SLC35F1: variants seen among roughly 807,000 people sequenced by gnomAD.
The protein encoded by SLC35F1 is solute carrier family 35 member F1.
Under a neutral mutation model 48.7 loss-of-function variants are expected in SLC35F1, and 14 were observed. That is an observed-to-expected ratio of 0.29 (90% CI 0.19 to 0.45). SLC35F1 has a LOEUF of 0.45. Among genes scored for constraint, SLC35F1 ranks in the 20% least tolerant of loss-of-function variants. The probability of loss-of-function intolerance (pLI) is 1.00; values close to 1 mark genes in which losing one functional copy is unlikely to be tolerated. For synonymous variants in SLC35F1, 190 were observed against 202.2 expected, an observed-to-expected ratio of 0.94 and a Z score of 0.51; for missense variants, 404 against 500.0, an observed-to-expected ratio of 0.81 and a Z score of 1.83.
chr6:118,149,267 CA>C (rs1171544571), intron 1 of SLC35F1, among the ~76,000 whole-genome samples: 1 of 152,080 alleles, frequency 6.6e-6, no homozygotes, highest in Non-Finnish European at 1.5e-5. Flanking sequence ...GTGAAAGGAC[CA>C]CAGATCTACC....
At chr6:118,295,032 C>G (rs1325214165) in intron 7 of SLC35F1, among the ~76,000 whole-genome samples, 1 of 152,078 alleles carries the variant, frequency 6.6e-6, no homozygotes, top group Non-Finnish European at 1.5e-5. Flanking sequence ...ATGTCAGCAG[C>G]CTGTGCTGGC....
chr6:118,071,073 CTATGTGTATATAT>C (rs1562280987), intron 1 of SLC35F1, among the ~76,000 whole-genome samples: 1 of 1,186 alleles, frequency 8.4e-4, no homozygotes, highest in African/African-American at 6.8e-3. Flanking sequence ...CGTATATATA[CTATGTGTATATAT>C]ACACATAGTA....
chr6:117,965,889 C>T (rs1017837055), intron 1 of SLC35F1, among the ~76,000 whole-genome samples: 3 of 151,772 alleles, frequency 2.0e-5, no homozygotes, highest in Non-Finnish European at 4.4e-5. Context: ...TCTAACTGAT[C>T]GGGTAGGGGA....
At chr6:118,127,375 C>T (rs1327456197) in intron 1 of SLC35F1, among the ~76,000 whole-genome samples, 25 of 151,902 alleles carry the variant, frequency 1.6e-4, no homozygotes, top group Non-Finnish European at 2.5e-4. Context: ...CTGCTGGATT[C>T]GGTTTGCCAG....
At chr6:118,188,393 T>C (rs997087683) in intron 2 of SLC35F1, among the ~76,000 whole-genome samples, 2 of 151,976 alleles carry the variant, frequency 1.3e-5, no homozygotes, top group East Asian at 3.9e-4. Flanking sequence ...CTACTAAAAA[T>C]ACAAAAAGTA....
At chr6:118,136,965 C>T (rs1266742934) in intron 1 of SLC35F1, among the ~76,000 whole-genome samples, 1 of 152,210 alleles carries the variant, frequency 6.6e-6, no homozygotes, top group Admixed American at 6.5e-5. Flanking sequence ...AATATCCATT[C>T]CTTTATAGCT....
chr6:118,139,670 A>G (rs1369576902), intron 1 of SLC35F1, among the ~76,000 whole-genome samples: 1 of 152,202 alleles, frequency 6.6e-6, no homozygotes. Flanking sequence ...CTGTTATTCC[A>G]GAAACATGGT....
chr6:118,166,056 T>A (rs1032125835), intron 2 of SLC35F1, among the ~76,000 whole-genome samples: 3 of 152,118 alleles, frequency 2.0e-5, no homozygotes, highest in Non-Finnish European at 4.4e-5. Context: ...GATGAGGTCA[T>A]TAAAAGAAAT....
chr6:118,149,682 C>A (rs1024551537), intron 1 of SLC35F1, among the ~76,000 whole-genome samples: 1 of 152,108 alleles, frequency 6.6e-6, no homozygotes, highest in African/African-American at 2.4e-5. Context: ...ACGAATAAAA[C>A]CATAATTTGT....
intron 3 of SLC35F1, among the ~76,000 whole-genome samples, chr6:118,255,685 C>T (rs1775633048): frequency 6.6e-6 from 1 of 152,130 alleles, no homozygotes; most frequent in African/African-American, 2.4e-5. Context: ...CACAAGGGGA[C>T]ATATACAATT....
At chr6:117,913,738 T>A (rs1775791169) in intron 1 of SLC35F1, among the ~76,000 whole-genome samples, 1 of 145,160 alleles carries the variant, frequency 6.9e-6, no homozygotes, top group Non-Finnish European at 1.5e-5. Context: ...TTTTGAATTA[T>A]ATTATAATTT....
At chr6:118,063,436 A>G (rs1262773945) in intron 1 of SLC35F1, among the ~76,000 whole-genome samples, 1 of 152,200 alleles carries the variant, frequency 6.6e-6, no homozygotes, top group African/African-American at 2.4e-5. Flanking sequence ...AAATTACACA[A>G]TATTTTCAGT....
At chr6:118,019,666 A>T (rs763469792) in intron 1 of SLC35F1, among the ~76,000 whole-genome samples, 6 of 152,180 alleles carry the variant, frequency 3.9e-5, no homozygotes, top group Non-Finnish European at 8.8e-5. Context: ...AAGTTAAAAG[A>T]TTTCTTTTTA....
intron 3 of SLC35F1, among the ~76,000 whole-genome samples, chr6:118,262,142 C>T (rs1304914379): frequency 6.6e-6 from 1 of 152,010 alleles, no homozygotes; most frequent in Admixed American, 6.6e-5. Context: ...GCTTCATGAC[C>T]GTGTTTGAGG....
chr6:118,146,169 T>A (rs1441502262), intron 1 of SLC35F1, among the ~76,000 whole-genome samples: 2 of 152,296 alleles, frequency 1.3e-5, no homozygotes, highest in African/African-American at 4.8e-5. Flanking sequence ...AGATATCTGG[T>A]CTTCAATCTT....
chr6:118,254,210 A>G (rs1006741484), intron 3 of SLC35F1, among the ~76,000 whole-genome samples: 7 of 152,206 alleles, frequency 4.6e-5, no homozygotes, highest in African/African-American at 1.7e-4. Context: ...CTCTGCATCT[A>G]TAACAATCCT....
At chr6:117,974,932 T>C (rs576142010) in intron 1 of SLC35F1, among the ~76,000 whole-genome samples, 1 of 152,358 alleles carries the variant, frequency 6.6e-6, no homozygotes, top group Admixed American at 6.5e-5. Context: ...ACTTGCATTG[T>C]ATACTTGTAG....
At chr6:118,282,578 C>G (rs1775997094) in intron 6 of SLC35F1, among the ~76,000 whole-genome samples, 1 of 152,162 alleles carries the variant, frequency 6.6e-6, no homozygotes, top group Admixed American at 6.6e-5. Context: ...ATATATCCAG[C>G]TCCCTACTGG....
intron 1 of SLC35F1, among the ~76,000 whole-genome samples, chr6:118,092,284 A>G (rs1332013698): frequency 6.6e-6 from 1 of 152,168 alleles, no homozygotes. Flanking sequence ...CCTAGGAGGG[A>G]AAAATGGTTT....
Sources: allele counts gnomAD v4.1 joint callset (sites outside exome capture counted in the v4.1 genomes callset), GRCh38; gene constraint gnomAD v4.1.1; transcripts MANE v1.5; gene names NCBI Gene and HGNC (gene_info 2026-07-23, HGNC 2026-07-21).